ABCC8: variants seen among roughly 807,000 people sequenced by gnomAD.
The protein encoded by ABCC8 is ATP binding cassette subfamily C member 8.
Under a neutral mutation model 188.0 loss-of-function variants are expected in ABCC8, and 137 were observed. The observed-to-expected ratio is 0.73, with a 90% CI of 0.63 to 0.84. The LOEUF is 0.84. ABCC8 is among the 40% of genes least tolerant of loss of function. The pLI is 0.00. For synonymous variants in ABCC8, 797 were observed against 846.5 expected (o/e 0.94, Z 1.01); for missense variants, 1,750 against 2,072.7 (o/e 0.84, Z 3.02).
chr11:17,419,838 C>T (rs2299639), intron 16 of ABCC8, among the ~76,000 whole-genome samples: 50,910 of 152,012 alleles, frequency 0.33, 11,141 homozygotes, highest in African/African-American at 0.63. Flanking sequence ...ATTTGAATCC[C>T]AGAGGCTTTT....
intron 26 of ABCC8, 33 bp downstream of exon 26, chr11:17,406,589 C>T (rs767074518): frequency 2.0e-5 from 32 of 1,593,568 alleles, no homozygotes; most frequent in Non-Finnish European, 2.3e-5. Flanking sequence ...GTGACTTGCT[C>T]ACAGTCCCAG....
intron 12 of ABCC8, chr11:17,430,395 T>C: frequency 3.0e-6 from 1 of 335,752 alleles, no homozygotes; most frequent in South Asian, 2.5e-5. Context: ...TAGGGGATAC[T>C]TGGCCTGGGA....
chr11:17,472,291 A>G (rs1848524100), intron 2 of ABCC8, among the ~76,000 whole-genome samples: 1 of 152,358 alleles, frequency 6.6e-6, no homozygotes, highest in Admixed American at 6.5e-5. Context: ...GGCTTTATCC[A>G]GTGTATGGTG....
chr11:17,468,140 T>G (rs1055799936), intron 3 of ABCC8, among the ~76,000 whole-genome samples: 1 of 151,994 alleles, frequency 6.6e-6, no homozygotes, highest in African/African-American at 2.4e-5. Context: ...CATACTCATG[T>G]GGGGGCCCCT....
chr11:17,470,065 T>G (rs1848394098), intron 3 of ABCC8, 36 bp downstream of exon 3: 1 of 1,608,680 alleles, frequency 6.2e-7, no homozygotes, highest in Non-Finnish European at 8.5e-7. Flanking sequence ...AAGAAATGAA[T>G]GAAGGTACTG....
intron 6 of ABCC8, 99 bp from the exon 7 acceptor site, chr11:17,453,382 A>G (rs1317779414): frequency 3.9e-6 from 6 of 1,520,646 alleles, no homozygotes; most frequent in Non-Finnish European, 5.4e-6. Flanking sequence ...CATCATTATT[A>G]CAAGACCCTC....
chr11:17,427,904 G>T lies in ABCC8; in HGVS notation c.2079C>A (p.Ile693=). The T allele has an allele frequency of 6.2e-7, 1 of 1,614,078 alleles. No homozygotes were observed. ...GAATGGTGATGTTGGACAGTGTGGGGATTCCATCTGGGGTCCACGTGAAGT... is the reference window on the plus strand; with the variant it reads ...GAATGGTGATGTTGGACAGTGTGGGTATTCCATCTGGGGTCCACGTGAAGT... ...GGYFTWTPDG[I]PTLSNITIRI... is the part of the protein sequence containing the mutation. Residue 693 remains isoleucine, a synonymous_variant, in exon 15 of 39, where the codon ATC becomes ATA. Transcript: ENST00000389817. The surrounding 1 kb of genome is among the most constrained non-coding windows in gnomAD (Gnocchi z 5.0).
intron 12 of ABCC8, chr11:17,428,909 T>G: frequency 1.5e-6 from 1 of 652,196 alleles, no homozygotes; most frequent in East Asian, 2.8e-5. Flanking sequence ...TGAGATTGGT[T>G]AGTTTTAGGG....
chr11:17,465,084 A>G (rs1318605579), intron 3 of ABCC8, among the ~76,000 whole-genome samples: 1 of 152,222 alleles, frequency 6.6e-6, no homozygotes, highest in Non-Finnish European at 1.5e-5. Context: ...GGGTCCCTGC[A>G]GGAGGACATT....
chr11:17,412,621 TG>T (rs1954866975), intron 21 of ABCC8, 44 bp downstream of exon 21: 1 of 1,588,494 alleles, frequency 6.3e-7, no homozygotes, highest in Admixed American at 1.8e-5. Context: ...CAGTTAGGCC[TG>T]GGAGGCAGCC....
chr11:17,414,225 C>T (rs1386839080), intron 19 of ABCC8, among the ~76,000 whole-genome samples: 2 of 152,202 alleles, frequency 1.3e-5, no homozygotes, highest in Non-Finnish European at 2.9e-5. Flanking sequence ...AATGGAGACT[C>T]ACAGAGAGAG....
intron 2 of ABCC8, among the ~76,000 whole-genome samples, chr11:17,473,183 G>T (rs147881219): frequency 6.6e-6 from 1 of 152,080 alleles, no homozygotes; most frequent in Non-Finnish European, 1.5e-5. Flanking sequence ...CTCCAAGGGC[G>T]GAGGTGTCTT....
At chr11:17,459,065 C>T (rs1400127814) in intron 6 of ABCC8, among the ~76,000 whole-genome samples, 1 of 152,170 alleles carries the variant, frequency 6.6e-6, no homozygotes, top group Non-Finnish European at 1.5e-5. Flanking sequence ...TGTTCAAATT[C>T]TGCCTCTGTT....
At position 17,468,414 on chromosome 11, in the gene ABCC8, A is replaced by G. The variant is rs1848287534; in HGVS notation, c.412+1687T>C. Among the ~76,000 whole-genome samples, 2 of 152,160 alleles carry G rather than the reference A, an allele frequency of 1.3e-5. 1 individual carries two copies. Among genetic ancestry groups the G allele is most frequent in the Non-Finnish European group, 2.9e-5 (2 of 68,022 alleles). On this transcript the variant is annotated intron_variant, in intron 3 of 38. Transcript: ENST00000389817. ...CCCCAGCCTTAGACACACAGGCTGA[A>G]CCCCAACACAGAGGCAGACCTGCGG...
At chr11:17,450,316 T>TCTCTC (rs1564959408) in intron 7 of ABCC8, among the ~76,000 whole-genome samples, 2 of 116,250 alleles carry the variant, frequency 1.7e-5, no homozygotes, top group African/African-American at 7.3e-5. Context: ...CTTTCTTTCT[T>TCTCTC]TCTTTCTTTC....
intron 36 of ABCC8, 194 bp downstream of exon 36, chr11:17,394,978 C>T (rs931337829): frequency 1.5e-6 from 1 of 676,642 alleles, no homozygotes; most frequent in Non-Finnish European, 2.5e-6. Context: ...AGACCCTGAA[C>T]TGACCAGTTG....
At chr11:17,462,043 C>T (rs1957213528) in intron 4 of ABCC8, among the ~76,000 whole-genome samples, 1 of 152,172 alleles carries the variant, frequency 6.6e-6, no homozygotes, top group South Asian at 2.1e-4. Context: ...TTGAGGTCGA[C>T]TTTGAACCCC....
intron 8 of ABCC8, among the ~76,000 whole-genome samples, chr11:17,445,968 T>TTA (rs964608263): frequency 4.6e-5 from 6 of 130,426 alleles, no homozygotes; most frequent in Admixed American, 3.0e-4. Context: ...CCTGATTTCT[T>TTA]TTTTTTTTTT....
At chr11:17,473,285 C>T (rs550535205) in intron 2 of ABCC8, among the ~76,000 whole-genome samples, 2 of 152,070 alleles carry the variant, frequency 1.3e-5, no homozygotes, top group East Asian at 1.9e-4. Flanking sequence ...GGGGTGGAGG[C>T]GGACTTGTCA....
Sources: allele counts gnomAD v4.1 joint callset (sites outside exome capture counted in the v4.1 genomes callset), GRCh38; gene constraint gnomAD v4.1.1; non-coding constraint Gnocchi (gnomAD v3.1); transcripts MANE v1.5; gene names NCBI Gene and HGNC (gene_info 2026-07-23, HGNC 2026-07-21).